The following MELTF variants were observed in gnomAD, a reference collection of about 807,000 sequenced individuals.
MELTF encodes the protein melanotransferrin.
In MELTF, 67 loss-of-function variants were observed where a neutral mutation model predicts 83.7. The ratio of observed to expected loss-of-function variants is 0.80; its 90% CI spans 0.66 to 0.98. The LOEUF (loss-of-function observed/expected upper bound fraction) is 0.98. Among genes scored for constraint, MELTF ranks in the 50% least tolerant of loss-of-function variants. MELTF has a pLI of 0.00. For missense variants in MELTF, 1,002 were observed against 1,035.6 expected, an observed-to-expected ratio of 0.97 and a Z score of 0.44; for synonymous variants, 462 against 447.6, an observed-to-expected ratio of 1.03 and a Z score of -0.41.
Position 197,008,595 on chromosome 3 carries a change from G to A in MELTF, c.1750+62C>T. On this transcript the variant is annotated intron_variant, in intron 13 of 15. Transcript: ENST00000296350. The surrounding 1 kb of genome is among the most constrained non-coding windows in gnomAD (Gnocchi z 5.4). ...CCCAGCCCAGCATGGTGTCTGGATG[G>A]TGCTGAAGATGGGGAACAGTCCCCC... The A allele has an allele frequency of 3.2e-6, 5 of 1,546,598 alleles. No individual in the cohort carries two copies. The highest frequency in any genetic ancestry group is 4.4e-6 in the Non-Finnish European group (5 of 1,130,732).
chr3:197,008,868 G>A lies in MELTF; in HGVS notation c.1623C>T (p.Gly541=). ...LCALCVGDEQ[G]RNKCVGNSQE... The stretch of plus-strand genomic sequence containing the variant: ...GGCTGTTGCCCACACACTTGTTGCG[G>A]CCCTGCTCGTCCCCCACGCACAGTG... Residue 541 remains glycine, a synonymous_variant, in exon 12 of 16, where the codon GGC becomes GGT. Coordinates refer to ENST00000296350, the MANE Select transcript of MELTF (RefSeq NM_005929.6). This position sits in a 1 kb window ranked among gnomAD's most constrained non-coding sequence, Gnocchi z 5.4. 1 of 1,614,202 alleles carries A rather than the reference G, an allele frequency of 6.2e-7. No individual in the cohort carries two copies. Among genetic ancestry groups the A allele is most frequent in the South Asian group, 1.1e-5 (1 of 91,084 alleles).
chr3:197,007,939 C>T lies in MELTF; in HGVS notation c.1750+718G>A, dbSNP rs1361116195. Among the ~76,000 whole-genome samples the T allele has an allele frequency of 1.3e-5, 2 of 152,160 alleles. No homozygotes were observed. The highest frequency in any genetic ancestry group is 2.9e-5 in the Non-Finnish European group (2 of 68,036). ...ACTGGGCCTCCAGCATTTGGGGTTT[C>T]AAAGCCTGGGGTGTAGGCAGGGTAT... On this transcript the variant is annotated intron_variant, in intron 13 of 15. Coordinates refer to ENST00000296350, the MANE Select transcript of MELTF (RefSeq NM_005929.6). This position sits in a 1 kb window ranked among gnomAD's most constrained non-coding sequence, Gnocchi z 4.3.
At position 197,015,361 on chromosome 3, in the gene MELTF, C is replaced by T. The variant is rs1429493980; in HGVS notation, c.1233+4G>A. The stretch of plus-strand genomic sequence containing the variant: ...GGCCCACGCTGCACCTGCGTGACTC[C>T]CACCTGGATCCGCTCCATGCAGTGT... On this transcript the variant is annotated splice_donor_region_variant and intron_variant, in intron 9 of 15. Transcript: ENST00000296350. 4 of 1,552,774 alleles carry T rather than the reference C, an allele frequency of 2.6e-6. No individual in the cohort carries two copies. The highest frequency in any genetic ancestry group is 1.9e-5 in the Admixed American group (1 of 51,522).
At chr3:197,009,085 G>A in intron 11 of MELTF, 120 bp from the exon 12 acceptor site, 1 of 1,173,176 alleles carries the variant, frequency 8.5e-7, no homozygotes, top group East Asian at 2.4e-5. Flanking sequence ...AAGGCCACCT[G>A]TCTGCTCCGC....
rs1284600025 is a variant in MELTF, at chr3:197,016,314, C to T, written c.956G>A (p.Gly319Asp). ...SFQMFSSEAY[G>D]QKDLLFKDST... ...GTCTTTGAAGAGTAGATCCTTCTGGCCATAGGCCTCAGAGCTGAACATCTG... is the reference window on the plus strand; with the variant it reads ...GTCTTTGAAGAGTAGATCCTTCTGGTCATAGGCCTCAGAGCTGAACATCTG... Residue 319 changes from glycine to aspartate, a missense_variant, in exon 8 of 16, where the codon GGC (glycine) becomes GAC (aspartate). By Grantham distance (94) the Gly-to-Asp change is moderately conservative (BLOSUM62 -1). Coordinates refer to ENST00000296350, the MANE Select transcript of MELTF (RefSeq NM_005929.6). The T allele has an allele frequency of 6.2e-6, 10 of 1,611,856 alleles. No homozygotes were observed. The highest frequency in any genetic ancestry group is 8.5e-6 in the Non-Finnish European group (10 of 1,178,858).
At chr3:197,021,551 G>T (rs2148589204) in intron 5 of MELTF, 80 bp from the exon 6 acceptor site, 1 of 1,381,326 alleles carries the variant, frequency 7.2e-7, no homozygotes, top group Non-Finnish European at 1.0e-6. Flanking sequence ...CCTGGCTTGG[G>T]CTGTAGGGGT....
chr3:197,001,817 G>A lies in MELTF; in HGVS notation c.*1555C>T, dbSNP rs538320868. ...AGAAACCAACCAACATGTTTCATTA[G>A]CACTGACACAGCAGGGGTCCCCTGC... On this transcript the variant is annotated 3_prime_UTR_variant, in exon 16 of 16. Transcript: ENST00000296350. 4 of 152,044 alleles carry A rather than the reference G, an allele frequency of 2.6e-5. No individual in the cohort carries two copies. Among genetic ancestry groups the A allele is most frequent in the Non-Finnish European group, 4.4e-5 (3 of 67,994 alleles). The allele number at this position is 152,044 out of a possible 1,614,324, so 9.4% of individuals were successfully genotyped here.
In MELTF at chr3:197,011,871, G is replaced by C. The variant is rs1317689737; in HGVS notation, c.1234-1077C>G. Among the ~76,000 whole-genome samples, 2 of 152,146 alleles carry C rather than the reference G, an allele frequency of 1.3e-5. No individual in the cohort carries two copies. The highest frequency in any genetic ancestry group is 4.8e-5 in the African/African-American group (2 of 41,432). On this transcript the variant is annotated intron_variant, in intron 9 of 15. Transcript: ENST00000296350. The surrounding 1 kb of genome is among the most constrained non-coding windows in gnomAD (Gnocchi z 4.2). Reference sequence around the variant, plus strand: ...CCCTGAAGTCTCTCCTCTTCCTGCAGGCCCCAGGGCAGCCCCGTGGCCCTC... The same window carrying C: ...CCCTGAAGTCTCTCCTCTTCCTGCACGCCCCAGGGCAGCCCCGTGGCCCTC...
At chr3:197,017,764 C>T (rs1193908437) in intron 6 of MELTF, among the ~76,000 whole-genome samples, 2 of 152,146 alleles carry the variant, frequency 1.3e-5, no homozygotes, top group African/African-American at 4.8e-5. Flanking sequence ...GTAATCCCAG[C>T]TACTGGGGAG....
rs1718774306 is a variant in MELTF at position 197,002,470 on chromosome 3, G to C, written c.*902C>G. 6.6e-6 allele frequency: 1 copy of C among 152,218 alleles called. No individual in the cohort carries two copies. The highest frequency in any genetic ancestry group is 1.5e-5 in the Non-Finnish European group (1 of 68,070). The allele number at this position is 152,218 out of a possible 1,614,324, so 9.4% of individuals were successfully genotyped here. ...GGAGTGAGGGGTCCCCAGGCCCAGC[G>C]GGTGCGGGGCCGGGTGAGGAGACGG... On this transcript the variant is annotated 3_prime_UTR_variant, in exon 16 of 16. Coordinates refer to ENST00000296350, the MANE Select transcript of MELTF (RefSeq NM_005929.6).
rs1474669095 is a variant in MELTF at position 197,008,740 on chromosome 3, C to T, written c.1683-16G>A. 1 of 1,613,976 alleles carries T rather than the reference C, an allele frequency of 6.2e-7. No individual in the cohort carries two copies. ...CACCAGGCACCTGCCACACAGAGGG[C>T]AGGGCAGGCGTCGGCAGGAGGGTCC... On this transcript the variant is annotated splice_polypyrimidine_tract_variant and intron_variant, in intron 12 of 15. Transcript: ENST00000296350. This position sits in a 1 kb window ranked among gnomAD's most constrained non-coding sequence, Gnocchi z 5.4.
At chr3:197,017,876 CA>C (rs199855449) in intron 6 of MELTF, among the ~76,000 whole-genome samples, 4 of 149,604 alleles carry the variant, frequency 2.7e-5, no homozygotes, top group Non-Finnish European at 3.0e-5. Flanking sequence ...AACTCTGTCT[CA>C]AAAAAAAAGA....
At chr3:197,016,430 C>T (rs573777452) in intron 7 of MELTF, 61 bp from the exon 8 acceptor site, 30 of 1,387,988 alleles carry the variant, frequency 2.2e-5, no homozygotes, top group Non-Finnish European at 2.7e-5. Flanking sequence ...ATCCTTCCCT[C>T]CCACTTTGGC....
rs142081429 is a variant in MELTF at position 197,006,899 on chromosome 3, G to A, written c.1751-163C>T. On this transcript the variant is annotated intron_variant, in intron 13 of 15. Transcript: ENST00000296350. The surrounding 1 kb of genome is among the most constrained non-coding windows in gnomAD (Gnocchi z 5.4). ...TCTCCACGTGCTCTGCTGTGTTACC[G>A]GGGTGAAAGAACCCAGCTGTGTTCA... Among the ~76,000 whole-genome samples, 4 of 152,296 alleles carry A rather than the reference G, an allele frequency of 2.6e-5. No homozygotes were observed. The highest frequency in any genetic ancestry group is 3.9e-4 in the East Asian group (2 of 5,182).
rs1718828975 is a variant in MELTF at position 197,003,358 on chromosome 3, C to T, written c.*14G>A. On this transcript the variant is annotated 3_prime_UTR_variant, in exon 16 of 16. Transcript: ENST00000296350. The surrounding 1 kb of genome is among the most constrained non-coding windows in gnomAD (Gnocchi z 6.2). Reference sequence around the variant, plus strand: ...CCGGGCGGGCATCGGAGCTCTGGGGCGGGGCGGCCGGGCTCAGAGGGCGGG... The same window carrying T: ...CCGGGCGGGCATCGGAGCTCTGGGGTGGGGCGGCCGGGCTCAGAGGGCGGG... 9.9e-7 allele frequency: 1 copy of T among 1,009,524 alleles called. No individual in the cohort carries two copies. Among genetic ancestry groups the T allele is most frequent in the Non-Finnish European group, 1.2e-6 (1 of 849,822 alleles). 62.5% of individuals were successfully genotyped at this position (1,009,524 alleles called of 1,614,324 possible).
In MELTF at chr3:197,023,092, C is replaced by A. The variant is rs1339434823; in HGVS notation, c.509G>T (p.Gly170Val). 1.9e-6 allele frequency: 3 copies of A among 1,613,716 alleles called. No homozygotes were observed. In the Admixed American group the frequency reaches 5.0e-5, roughly 27 times the overall value. ...CTCTCCTGCCCCCGGGACGCAGCTG[C>A]CCCCAAAATAGTCGCTGACAGCTGT... ...VLKAVSDYFG[G>V]SCVPGAGETS... is the part of the protein sequence containing the mutation. Residue 170 changes from glycine (G) to valine (V), a missense_variant, in exon 5 of 16, where the codon GGC becomes GTC. Gly to Val is a moderately radical substitution (Grantham distance 109). Coordinates refer to ENST00000296350, the MANE Select transcript of MELTF (RefSeq NM_005929.6).
chr3:197,007,488 T>A lies in MELTF; in HGVS notation c.1751-752A>T, dbSNP rs1348639363. ...GGAGTGGCCCTGGGAGGCGGGTGAC[T>A]CACTGCAAGTGAACCTCCCAAGGCC... On this transcript the variant is annotated intron_variant, in intron 13 of 15. Coordinates refer to ENST00000296350, the MANE Select transcript of MELTF (RefSeq NM_005929.6). The surrounding 1 kb of genome is among the most constrained non-coding windows in gnomAD (Gnocchi z 4.3). Among the ~76,000 whole-genome samples the A allele has an allele frequency of 6.6e-6, 1 of 152,160 alleles. No homozygotes were observed.
In MELTF at chr3:197,017,673, C is replaced by T. The variant is rs562232023; in HGVS notation, c.713-383G>A. ...TGGGCGGATCACGAGGTCAGGAGAT[C>T]AAGACCATCCTGGCTAACACGGTGA... On this transcript the variant is annotated intron_variant, in intron 6 of 15. Transcript: ENST00000296350. Among the ~76,000 whole-genome samples, 7 of 152,084 alleles carry T rather than the reference C, an allele frequency of 4.6e-5. No individual in the cohort carries two copies. In the South Asian group the frequency reaches 1.0e-3, roughly 23 times the overall value.
rs981748483 is a variant in MELTF, at chr3:197,018,309, G to A, written c.713-1019C>T. 4.1e-5 allele frequency among the ~76,000 whole-genome samples: 6 copies of A among 145,216 alleles called. No homozygotes were observed. In the South Asian group the frequency reaches 6.6e-4, roughly 16 times the overall value. On this transcript the variant is annotated intron_variant, in intron 6 of 15. Coordinates refer to ENST00000296350, the MANE Select transcript of MELTF (RefSeq NM_005929.6). ...ACCACAGGTGCCCGCCACCACGCCC[G>A]GCTAATTTTTTGTATTTTTTTTTAT...
Sources: gnomAD v4.1 joint callset for allele counts (sites outside exome capture counted in the v4.1 genomes callset) on GRCh38, gnomAD v4.1.1 for gene constraint, Gnocchi (gnomAD v3.1) non-coding constraint, MANE v1.5 for transcripts, NCBI Gene and HGNC (gene_info 2026-07-23, HGNC 2026-07-21) for gene names.